The following MALRD1 variants were observed in gnomAD, a reference collection of about 807,000 sequenced individuals.
MALRD1 encodes MAM and LDL receptor class A domain containing 1, also known as MAM and LDL-receptor class A domain-containing protein 1.
Under a neutral mutation model 242.1 loss-of-function variants are expected in MALRD1, and 247 were observed. The observed-to-expected ratio is 1.02, with a 90% CI of 0.92 to 1.13. The LOEUF (loss-of-function observed/expected upper bound fraction) is 1.13, where lower values mean the gene tolerates loss of function less well. MALRD1 is among the 50% of genes most tolerant of loss of function. The pLI, the probability that MALRD1 is intolerant of heterozygous loss-of-function variation, is 0.00. For missense variants in MALRD1, 2,989 were observed against 2,533.1 expected (o/e 1.18, Z -3.86); for synonymous variants, 995 against 866.6 (o/e 1.15, Z -2.60).
chr10:19,528,515 C>T (rs1323052551), intron 31 of MALRD1, among the ~76,000 whole-genome samples: 1 of 152,150 alleles, frequency 6.6e-6, no homozygotes, highest in Non-Finnish European at 1.5e-5. Flanking sequence ...ACCGCTTGAA[C>T]CCGGGAGGCA....
chr10:19,611,015 C>G (rs565084623), intron 35 of MALRD1, among the ~76,000 whole-genome samples: 2 of 151,660 alleles, frequency 1.3e-5, no homozygotes, highest in African/African-American at 2.4e-5. Context: ...AGAACAAGAT[C>G]GAGGAAACTA....
chr10:19,619,717 T>A (rs1377285042), intron 36 of MALRD1, among the ~76,000 whole-genome samples: 1 of 152,132 alleles, frequency 6.6e-6, no homozygotes, highest in African/African-American at 2.4e-5. Flanking sequence ...TGCAAGTTTT[T>A]CTAGCTATTA....
At chr10:19,497,063 A>G (rs191756608) in intron 30 of MALRD1, among the ~76,000 whole-genome samples, 9 of 152,338 alleles carry the variant, frequency 5.9e-5, no homozygotes, top group African/African-American at 1.9e-4. Context: ...GACAGGAGGT[A>G]CAAGGATGAT....
At chr10:19,158,931 G>T (rs1456582285) in intron 12 of MALRD1, among the ~76,000 whole-genome samples, 1 of 152,216 alleles carries the variant, frequency 6.6e-6, no homozygotes, top group African/African-American at 2.4e-5. Context: ...ATCATGTCCT[G>T]CAATGGTGCA....
At chr10:19,214,684 C>T (rs1837228875) in intron 18 of MALRD1, among the ~76,000 whole-genome samples, 1 of 152,174 alleles carries the variant, frequency 6.6e-6, no homozygotes, top group South Asian at 2.1e-4. Context: ...GGGAACTTAA[C>T]AATGTCAATG....
At chr10:19,366,698 C>T (rs1030051492) in intron 26 of MALRD1, among the ~76,000 whole-genome samples, 5 of 152,054 alleles carry the variant, frequency 3.3e-5, no homozygotes, top group Non-Finnish European at 7.4e-5. Context: ...TGGTTCAAAC[C>T]ATTAGACCTT....
chr10:19,063,137 C>T (rs1834870907), intron 1 of MALRD1, among the ~76,000 whole-genome samples: 1 of 151,840 alleles, frequency 6.6e-6, no homozygotes, highest in African/African-American at 2.4e-5. Flanking sequence ...CAGAGCAAGA[C>T]CCTGTCCCCC....
chr10:19,333,201 G>T (rs1367121040), intron 24 of MALRD1, among the ~76,000 whole-genome samples: 1 of 152,092 alleles, frequency 6.6e-6, no homozygotes, highest in Non-Finnish European at 1.5e-5. Context: ...CAGGTTTCTT[G>T]TATGTTGTGT....
intron 18 of MALRD1, among the ~76,000 whole-genome samples, chr10:19,218,051 T>C (rs1311119105): frequency 6.6e-6 from 1 of 152,116 alleles, no homozygotes; most frequent in Non-Finnish European, 1.5e-5. Context: ...GGTTTCTTTA[T>C]TGTGTTCAAA....
intron 18 of MALRD1, among the ~76,000 whole-genome samples, chr10:19,237,452 T>G (rs1049580136): frequency 1.4e-5 from 2 of 147,512 alleles, no homozygotes; most frequent in South Asian, 2.1e-4. Context: ...TCCATGTTGT[T>G]GCAACTGGCA....
chr10:19,494,721 TAAAGAA>T (rs1837638196), intron 30 of MALRD1, among the ~76,000 whole-genome samples: 1 of 150,846 alleles, frequency 6.6e-6, no homozygotes, highest in South Asian at 2.1e-4. Flanking sequence ...TAGACAAAAA[TAAAGAA>T]AAAAGAATAA....
intron 38 of MALRD1, among the ~76,000 whole-genome samples, chr10:19,700,717 C>G (rs1202587251): frequency 6.6e-6 from 1 of 152,118 alleles, no homozygotes; most frequent in African/African-American, 2.4e-5. Flanking sequence ...TCCGTAATCT[C>G]CAAACAAAAG....
intron 19 of MALRD1, among the ~76,000 whole-genome samples, chr10:19,263,153 C>T (rs1447882035): frequency 6.6e-6 from 1 of 152,158 alleles, no homozygotes; most frequent in Non-Finnish European, 1.5e-5. Flanking sequence ...CCTGGATATA[C>T]ACCCAGAACT....
chr10:19,298,225 G>C (rs1037507377), intron 21 of MALRD1, among the ~76,000 whole-genome samples: 1 of 151,870 alleles, frequency 6.6e-6, no homozygotes, highest in African/African-American at 2.4e-5. Context: ...GCTTCATAAC[G>C]ACCCACTAAT....
chr10:19,477,674 G>A (rs890031450), intron 29 of MALRD1, among the ~76,000 whole-genome samples: 1 of 152,086 alleles, frequency 6.6e-6, no homozygotes, highest in African/African-American at 2.4e-5. Context: ...GAGAGAGAGG[G>A]GCTCCCAAGT....
At chr10:19,497,537 G>A (rs1837777252) in intron 30 of MALRD1, among the ~76,000 whole-genome samples, 1 of 151,900 alleles carries the variant, frequency 6.6e-6, no homozygotes. Context: ...AAATATTAAA[G>A]CTTTGCTTGC....
chr10:19,604,551 G>C (rs1838516549), intron 34 of MALRD1, among the ~76,000 whole-genome samples: 1 of 152,168 alleles, frequency 6.6e-6, no homozygotes, highest in Non-Finnish European at 1.5e-5. Flanking sequence ...AGTACAGGAT[G>C]AATCAGCAAA....
intron 8 of MALRD1, among the ~76,000 whole-genome samples, chr10:19,131,467 C>G (rs1833103131): frequency 6.6e-6 from 1 of 152,134 alleles, no homozygotes; most frequent in Admixed American, 6.6e-5. Flanking sequence ...TGGGTTAGAT[C>G]TGCGTCCATG....
intron 31 of MALRD1, among the ~76,000 whole-genome samples, chr10:19,520,936 G>T (rs937840056): frequency 6.6e-6 from 1 of 151,984 alleles, no homozygotes; most frequent in Non-Finnish European, 1.5e-5. Context: ...CTTTACTTTG[G>T]TATATTTGTC....
Sources: allele counts gnomAD v4.1 joint callset (sites outside exome capture counted in the v4.1 genomes callset), GRCh38; gene constraint gnomAD v4.1.1; transcripts MANE v1.5; gene names NCBI Gene and HGNC (gene_info 2026-07-23, HGNC 2026-07-21).